The following FER variants were observed in gnomAD, a reference collection of about 807,000 sequenced individuals.
The protein encoded by FER is FER tyrosine kinase, also known as tyrosine-protein kinase Fer.
Under a neutral mutation model 111.0 loss-of-function variants are expected in FER, and 63 were observed. The observed-to-expected ratio is 0.57, with a 90% CI of 0.46 to 0.70. The LOEUF is 0.70. Among genes scored for constraint, FER ranks in the 30% least tolerant of loss-of-function variants. The pLI is 0.00. For missense variants in FER, 914 were observed against 954.0 expected (o/e 0.96, Z 0.55); for synonymous variants, 327 against 313.9 (o/e 1.04, Z -0.44).
chr5:109,168,856 C>T (rs1756813395), intron 17 of FER, among the ~76,000 whole-genome samples: 1 of 152,180 alleles, frequency 6.6e-6, no homozygotes, highest in South Asian at 2.1e-4. Flanking sequence ...CATTATTCTT[C>T]CTGTAATTTG....
intron 9 of FER, among the ~76,000 whole-genome samples, chr5:108,885,896 T>C (rs1010967248): frequency 3.3e-5 from 5 of 152,000 alleles, no homozygotes; most frequent in African/African-American, 1.2e-4. Context: ...CAGAAGATTT[T>C]ATTTGAATGG....
chr5:109,138,983 CAT>C (rs1306618999), intron 17 of FER, among the ~76,000 whole-genome samples: 2 of 152,134 alleles, frequency 1.3e-5, no homozygotes, highest in African/African-American at 4.8e-5. Flanking sequence ...TGAATTAAGA[CAT>C]AGGGCACAGG....
intron 1 of FER, among the ~76,000 whole-genome samples, chr5:108,752,778 G>A (rs938791584): frequency 1.2e-4 from 18 of 151,916 alleles, no homozygotes; most frequent in Non-Finnish European, 1.5e-5. Context: ...TTAATGTCAT[G>A]CATGTTTGGA....
At chr5:109,099,173 CT>C (rs897709914) in intron 16 of FER, among the ~76,000 whole-genome samples, 2 of 151,254 alleles carry the variant, frequency 1.3e-5, no homozygotes, top group African/African-American at 4.8e-5. Flanking sequence ...TACTTTAACT[CT>C]TTTTTTAATA....
chr5:109,027,387 A>T (rs569334933), intron 13 of FER, among the ~76,000 whole-genome samples: 1 of 152,338 alleles, frequency 6.6e-6, no homozygotes, highest in East Asian at 1.9e-4. Flanking sequence ...GTCACATGGA[A>T]GCAAGAACTT....
intron 17 of FER, among the ~76,000 whole-genome samples, chr5:109,110,219 T>G (rs1749437515): frequency 6.6e-6 from 1 of 152,150 alleles, no homozygotes; most frequent in African/African-American, 2.4e-5. Flanking sequence ...TTGGGGAAAG[T>G]GGATAATAAA....
At chr5:108,808,391 ATTTGT>A (rs1175035415) in intron 3 of FER, among the ~76,000 whole-genome samples, 1 of 151,750 alleles carries the variant, frequency 6.6e-6, no homozygotes. Context: ...TTGGTCCAAC[ATTTGT>A]TTTATCTGAT....
chr5:109,041,012 G>C (rs72790577), intron 14 of FER, among the ~76,000 whole-genome samples: 16,792 of 152,128 alleles, frequency 0.11, 1,030 homozygotes, highest in Non-Finnish European at 0.14. Flanking sequence ...AAAAGCATCA[G>C]CTAAGAATGA....
intron 17 of FER, among the ~76,000 whole-genome samples, chr5:109,121,371 A>G (rs1304892274): frequency 6.6e-6 from 1 of 152,148 alleles, no homozygotes; most frequent in African/African-American, 2.4e-5. Flanking sequence ...TTTGTCCTCC[A>G]TTCTGTTGAT....
At chr5:108,824,663 TAAAAAAG>T (rs1411208051) in intron 3 of FER, among the ~76,000 whole-genome samples, 1 of 152,160 alleles carries the variant, frequency 6.6e-6, no homozygotes, top group African/African-American at 2.4e-5. Flanking sequence ...AAATAAATTT[TAAAAAAG>T]AAAAAAGAAA....
rs552046861 is a variant in FER, at chr5:109,121,729, A to G, written c.2048+21210A>G. Among the ~76,000 whole-genome samples, 13 of 151,704 alleles carry G rather than the reference A, an allele frequency of 8.6e-5. No homozygotes were observed. In the East Asian group the frequency reaches 2.5e-3, roughly 29 times the overall value. On this transcript the variant is annotated intron_variant, in intron 17 of 19. Transcript: ENST00000281092. ...AGCAGTGAAGCCATCAGGTCCTAGG[A>G]TTTTCTTTGCTGGGCGATTTTTTAT...
chr5:108,953,453 G>A (rs981495115), intron 11 of FER, among the ~76,000 whole-genome samples: 37 of 152,084 alleles, frequency 2.4e-4, no homozygotes, highest in Non-Finnish European at 5.0e-4. Context: ...TAATACAAGT[G>A]GAAGAAGTAA....
chr5:108,966,075 AAC>A (rs1759770313), intron 13 of FER, among the ~76,000 whole-genome samples: 2 of 152,220 alleles, frequency 1.3e-5, no homozygotes, highest in Non-Finnish European at 2.9e-5. Context: ...AGACTTTAGA[AAC>A]CACTGATGTT....
intron 1 of FER, among the ~76,000 whole-genome samples, chr5:108,757,763 A>G (rs1042685299): frequency 9.2e-5 from 14 of 152,228 alleles, no homozygotes; most frequent in African/African-American, 3.4e-4. Context: ...TATAGTTCTG[A>G]CAAATATCTT....
At chr5:108,862,658 C>G (rs1284806738) in intron 5 of FER, among the ~76,000 whole-genome samples, 2 of 152,288 alleles carry the variant, frequency 1.3e-5, no homozygotes, top group Non-Finnish European at 2.9e-5. Flanking sequence ...CTCAAATACA[C>G]TTGCATGGTA....
At chr5:109,095,220 TC>T (rs148091838) in intron 16 of FER, among the ~76,000 whole-genome samples, 24 of 152,180 alleles carry the variant, frequency 1.6e-4, no homozygotes, top group Admixed American at 3.9e-4. Context: ...CTAGCTGAAG[TC>T]TGTTACTTGG....
intron 1 of FER, among the ~76,000 whole-genome samples, chr5:108,763,108 A>G (rs976328673): frequency 9.2e-5 from 14 of 152,206 alleles, no homozygotes; most frequent in Non-Finnish European, 1.6e-4. Context: ...TGGCACACAG[A>G]TAGCATAGTA....
intron 17 of FER, among the ~76,000 whole-genome samples, chr5:109,149,896 C>T (rs1220735728): frequency 6.6e-6 from 1 of 152,120 alleles, no homozygotes; most frequent in Admixed American, 6.6e-5. Context: ...AGGAAGTGAG[C>T]GGAAGGCCAG....
chr5:108,755,694 C>T (rs997920212), intron 1 of FER, among the ~76,000 whole-genome samples: 1 of 151,600 alleles, frequency 6.6e-6, no homozygotes, highest in African/African-American at 2.4e-5. Context: ...CCATGTTAGT[C>T]AGGCTTGTCA....
Sources: allele counts gnomAD v4.1 joint callset (sites outside exome capture counted in the v4.1 genomes callset), GRCh38; gene constraint gnomAD v4.1.1; transcripts MANE v1.5; gene names NCBI Gene and HGNC (gene_info 2026-07-23, HGNC 2026-07-21).